PDXDC1: variants seen among roughly 807,000 people sequenced by gnomAD.
PDXDC1 encodes the protein pyridoxal dependent decarboxylase domain containing 1, also known as pyridoxal-dependent decarboxylase domain-containing protein 1.
In PDXDC1, 42 loss-of-function variants were observed where a neutral mutation model predicts 100.1. That is an observed-to-expected ratio of 0.42 (90% CI 0.33 to 0.54). The LOEUF is 0.54. Among genes scored for constraint, PDXDC1 ranks in the 20% least tolerant of loss-of-function variants. The probability of loss-of-function intolerance (pLI) is 0.10; values close to 1 mark genes in which losing one functional copy is unlikely to be tolerated. For missense variants in PDXDC1, 636 were observed against 979.2 expected, an observed-to-expected ratio of 0.65 and a Z score of 4.68; for synonymous variants, 260 against 371.7, an observed-to-expected ratio of 0.70 and a Z score of 3.46.
chr16:15,025,676 CAG>C, intron 13 of PDXDC1: 1 of 152,352 alleles, frequency 6.6e-6, no homozygotes, highest in Non-Finnish European at 1.5e-5. Flanking sequence ...TCATCACACT[CAG>C]AGCCTTGGAA....
rs1447303543 is a variant in PDXDC1, at chr16:15,065,265, T to C, written c.1399+35209T>C. On this transcript the variant is annotated intron_variant, in intron 16 of 16. Transcript: ENST00000535621. ...AAGGGGAAGAAGGTGTCCAGCGGGT[T>C]TGTGCAGATCTGCACTGAGTCTCCT... The C allele has an allele frequency of 2.5e-6, 4 of 1,613,748 alleles. No homozygotes were observed. In the African/African-American group the frequency reaches 5.3e-5, roughly 22 times the overall value.
At chr16:15,141,978 C>A (rs1598294157), downstream of PDXDC1, among the ~76,000 whole-genome samples, 2 of 152,152 alleles carry the variant, frequency 1.3e-5, no homozygotes, top group Non-Finnish European at 2.9e-5. Flanking sequence ...CGCAGCAGCC[C>A]TAAGGGGCGA....
At chr16:15,088,848 G>T (rs886421222) in intron 16 of PDXDC1, among the ~76,000 whole-genome samples, 50 of 152,076 alleles carry the variant, frequency 3.3e-4, no homozygotes, top group Non-Finnish European at 6.6e-4. Flanking sequence ...TGTAACTAGA[G>T]AGATCTGGAA....
At chr16:15,014,795 A>G (rs1433977200) in intron 8 of PDXDC1, among the ~76,000 whole-genome samples, 1 of 152,278 alleles carries the variant, frequency 6.6e-6, no homozygotes, top group African/African-American at 2.4e-5. Flanking sequence ...CTCTCTGAAA[A>G]GGGATCTCCC....
At chr16:15,092,590 C>G in intron 16 of PDXDC1, 1 of 1,611,868 alleles carries the variant, frequency 6.2e-7, no homozygotes, top group Non-Finnish European at 8.5e-7. Context: ...AAAAGTCATT[C>G]TCTAATGCAC....
At chr16:15,091,038 C>G (rs1366327308) in intron 16 of PDXDC1, among the ~76,000 whole-genome samples, 1 of 152,182 alleles carries the variant, frequency 6.6e-6, no homozygotes, top group African/African-American at 2.4e-5. Context: ...TTCTGGGAGG[C>G]TGTCCTGTGC....
At chr16:15,102,623 A>G (rs550506392) in intron 16 of PDXDC1, among the ~76,000 whole-genome samples, 1 of 151,364 alleles carries the variant, frequency 6.6e-6, no homozygotes, top group African/African-American at 2.4e-5. Context: ...GGCCAAAGGA[A>G]TCATTACCCA....
chr16:15,136,236 G>T lies in PDXDC1; in HGVS notation c.1400-2643G>T, dbSNP rs2048342186. The stretch of plus-strand genomic sequence containing the variant: ...CATCACTGTCCCCCTTTCCAGATGG[G>T]GAAACTGAGGCTCAGAGCCTGGAGA... On this transcript the variant is annotated intron_variant, in intron 16 of 16. Transcript: ENST00000535621. 4.8e-6 allele frequency: 3 copies of T among 628,758 alleles called. No individual in the cohort carries two copies. In the East Asian group the frequency reaches 8.2e-5, roughly 17 times the overall value. The allele number at this position is 628,758 out of a possible 1,614,324, so 38.9% of individuals were successfully genotyped here.
At chr16:15,042,378 T>C (rs1032041685), downstream of PDXDC1, among the ~76,000 whole-genome samples, 7 of 151,604 alleles carry the variant, frequency 4.6e-5, no homozygotes, top group Non-Finnish European at 1.0e-4. Context: ...TAGAGACAGA[T>C]GGGGTTTCAC....
At position 15,037,949 on chromosome 16, in the gene PDXDC1, T is replaced by C. The variant is rs1597734289; in HGVS notation, c.*1674T>C. The C allele has an allele frequency of 3.1e-6, 3 of 970,754 alleles. No individual in the cohort carries two copies. Among genetic ancestry groups the C allele is most frequent in the Non-Finnish European group, 3.2e-6 (2 of 629,544 alleles). 60.1% of individuals were successfully genotyped at this position (970,754 alleles called of 1,614,324 possible). On this transcript the variant is annotated 3_prime_UTR_variant, in exon 23 of 23. Coordinates refer to ENST00000396410, the MANE Select transcript of PDXDC1 (RefSeq NM_015027.4). ...AAGGAGGCCTAAGACCCAACAGATG[T>C]AGGATCCAGATCTGGATTCGTGCCA...
chr16:14,991,680 G>A (rs1286977752), intron 1 of PDXDC1, among the ~76,000 whole-genome samples: 14 of 152,318 alleles, frequency 9.2e-5, no homozygotes, highest in African/African-American at 2.4e-4. Context: ...TACCATGCCC[G>A]GCTTACTTTT....
intron 16 of PDXDC1, among the ~76,000 whole-genome samples, chr16:15,063,618 T>C (rs2044814987): frequency 7.1e-6 from 1 of 141,544 alleles, no homozygotes; most frequent in Non-Finnish European, 1.5e-5. Flanking sequence ...TGAGGCAGAA[T>C]GGCCTGAACC....
chr16:15,041,478 G>C, downstream of PDXDC1: 1 of 735,684 alleles, frequency 1.4e-6, no homozygotes, highest in Admixed American at 1.8e-5. Flanking sequence ...GGAAGGGGAA[G>C]GCCATCCCAC....
At chr16:15,144,774 G>A in the PDXDC1 span, among the ~76,000 whole-genome samples, 5 of 152,190 alleles carry the variant, frequency 3.3e-5, no homozygotes, top group Admixed American at 1.3e-4. Flanking sequence ...AGAAAGGGGA[G>A]TCTGCGATGT....
intron 16 of PDXDC1, chr16:15,127,908 G>A (rs969302632): frequency 6.9e-6 from 10 of 1,444,640 alleles, no homozygotes; most frequent in African/African-American, 5.6e-5. Context: ...CTAGAAGGCA[G>A]GGAGGGCCGC....
chr16:15,092,225 C>T (rs1288741723), intron 16 of PDXDC1, among the ~76,000 whole-genome samples: 1 of 152,120 alleles, frequency 6.6e-6, no homozygotes, highest in Non-Finnish European at 1.5e-5. Context: ...AATTCTGGCA[C>T]TTGCTAAAGT....
intron 16 of PDXDC1, chr16:15,074,795 G>T: frequency 6.2e-7 from 1 of 1,614,016 alleles, no homozygotes; most frequent in Non-Finnish European, 8.5e-7. Context: ...TCGGCTACAG[G>T]ATGCACCATC....
Position 15,033,373 on chromosome 16 carries a change from G to T in PDXDC1, c.1786G>T (p.Ala596Ser). Reference sequence around the variant, plus strand: ...GCTCGTGGAGACCATTGCGGCCACAGCCCGGGAGATAGAGGAGAACTCGAG... The same window carrying T: ...GCTCGTGGAGACCATTGCGGCCACATCCCGGGAGATAGAGGAGAACTCGAG... ...AELVETIAAT[A>S]REIEENSRLL... The change falls in exon 19 of 23, where the codon GCC (alanine) becomes TCC (serine). Residue 596 changes from alanine (A) to serine (S), a missense_variant. Around this residue, in one of 4 missense-constraint regions of PDXDC1, gnomAD observed 452 missense variants for 402.9 expected, o/e 1.12. Transcript: ENST00000396410. The T allele has an allele frequency of 6.2e-7, 1 of 1,614,226 alleles. No individual in the cohort carries two copies. The highest frequency in any genetic ancestry group is 8.5e-7 in the Non-Finnish European group (1 of 1,180,030).
In PDXDC1 at chr16:15,080,027, G is replaced by C. The variant is rs1313123849; in HGVS notation, c.1399+49971G>C. 18 of 1,599,006 alleles carry C rather than the reference G, an allele frequency of 1.1e-5. No individual in the cohort carries two copies. Among genetic ancestry groups the C allele is most frequent in the Non-Finnish European group, 1.4e-5 (16 of 1,173,106 alleles). On this transcript the variant is annotated intron_variant, in intron 16 of 16. Coordinates refer to the PDXDC1 transcript ENST00000535621. ...AACTTGAGTAGTTTTTCAATAATAAGCTCCAGAATTTCATGCCTCAAGGTT... is the reference window on the plus strand; with the variant it reads ...AACTTGAGTAGTTTTTCAATAATAACCTCCAGAATTTCATGCCTCAAGGTT...
Sources: gnomAD v4.1 joint callset for allele counts (sites outside exome capture counted in the v4.1 genomes callset) on GRCh38, gnomAD v4.1.1 for gene constraint, gnomAD v4.1.1 regional missense constraint, MANE v1.5 for transcripts, NCBI Gene and HGNC (gene_info 2026-07-23, HGNC 2026-07-21) for gene names.